Variants in PCCA observed in about 807,000 individuals in gnomAD.
PCCA encodes the protein propionyl-CoA carboxylase alpha chain, mitochondrial.
PCCA carries 74 observed loss-of-function variants against 101.3 expected under a neutral mutation model. The ratio of observed to expected loss-of-function variants is 0.73; its 90% CI spans 0.61 to 0.89. The LOEUF is 0.89. Ranked by LOEUF, PCCA falls within the 40% of genes least tolerant of loss-of-function variation. The pLI is 0.00. For synonymous variants in PCCA, 294 were observed against 313.6 expected, an observed-to-expected ratio of 0.94 and a Z score of 0.66; for missense variants, 891 against 907.0, an observed-to-expected ratio of 0.98 and a Z score of 0.23.
chr13:100,235,415 C>T (rs1245915067), intron 7 of PCCA, among the ~76,000 whole-genome samples: 2 of 151,978 alleles, frequency 1.3e-5, no homozygotes, highest in Non-Finnish European at 2.9e-5. Context: ...TCAACTACTC[C>T]CAAACAATAG....
chr13:100,190,592 T>C (rs941564750), intron 6 of PCCA, among the ~76,000 whole-genome samples: 2 of 152,090 alleles, frequency 1.3e-5, no homozygotes, highest in South Asian at 4.1e-4. Flanking sequence ...GGAGAACTGC[T>C]TGAACCTGGG....
chr13:100,279,628 A>G (rs1307254863), intron 12 of PCCA, among the ~76,000 whole-genome samples: 1 of 151,922 alleles, frequency 6.6e-6, no homozygotes, highest in East Asian at 1.9e-4. Flanking sequence ...GGCGCATACC[A>G]CCACGCCTAG....
At chr13:100,474,440 TTC>T (rs58811683) in intron 21 of PCCA, among the ~76,000 whole-genome samples, 41,637 of 144,080 alleles carry the variant, frequency 0.29, 6,015 homozygotes, top group Middle Eastern at 0.41. Flanking sequence ...TATTTACTGT[TTC>T]TCTCTCTCTC....
chr13:100,107,504 A>G (rs943080224), intron 2 of PCCA, among the ~76,000 whole-genome samples: 2 of 152,190 alleles, frequency 1.3e-5, no homozygotes, highest in African/African-American at 2.4e-5. Context: ...CCTGGGTAAC[A>G]GAGCAAAACC....
intron 18 of PCCA, among the ~76,000 whole-genome samples, chr13:100,364,013 C>T (rs2074917803): frequency 6.6e-6 from 1 of 152,170 alleles, no homozygotes; most frequent in Non-Finnish European, 1.5e-5. Flanking sequence ...ATAAAGTGGA[C>T]AGACCTGGGT....
intron 6 of PCCA, among the ~76,000 whole-genome samples, chr13:100,188,939 C>T (rs1408759564): frequency 1.3e-5 from 2 of 151,316 alleles, no homozygotes; most frequent in Non-Finnish European, 2.9e-5. Flanking sequence ...GCAGAATGTG[C>T]AGTTTTGTTA....
intron 12 of PCCA, among the ~76,000 whole-genome samples, chr13:100,294,696 T>G (rs1285441174): frequency 6.6e-6 from 1 of 152,192 alleles, no homozygotes; most frequent in Non-Finnish European, 1.5e-5. Context: ...AAATTTTTAG[T>G]TTTTAGTGCT....
chr13:100,185,699 G>T (rs966983836), intron 6 of PCCA, among the ~76,000 whole-genome samples: 1 of 149,402 alleles, frequency 6.7e-6, no homozygotes, highest in African/African-American at 2.5e-5. Context: ...CCACGCTGGA[G>T]TGCAATGGTG....
intron 12 of PCCA, among the ~76,000 whole-genome samples, chr13:100,292,182 A>G (rs949804640): frequency 6.6e-6 from 1 of 152,212 alleles, no homozygotes; most frequent in African/African-American, 2.4e-5. Flanking sequence ...GAAGTCAGAT[A>G]TATAGTTTTT....
intron 21 of PCCA, among the ~76,000 whole-genome samples, chr13:100,504,605 T>C (rs1214928618): frequency 3.0e-4 from 46 of 152,226 alleles, no homozygotes; most frequent in Admixed American, 3.0e-3. Context: ...ATTAAATACT[T>C]AATGACATTT....
chr13:100,135,129 C>T (rs1263584505), intron 4 of PCCA, among the ~76,000 whole-genome samples: 3 of 151,516 alleles, frequency 2.0e-5, no homozygotes, highest in Non-Finnish European at 2.9e-5. Flanking sequence ...CGTGGTGGCT[C>T]GCATCTGTAA....
At chr13:100,202,783 T>C (rs897565637) in intron 6 of PCCA, among the ~76,000 whole-genome samples, 1 of 151,862 alleles carries the variant, frequency 6.6e-6, no homozygotes, top group African/African-American at 2.4e-5. Context: ...TCAATTTGTC[T>C]TTCTCATAAG....
chr13:100,492,356 G>T (rs548600822), intron 21 of PCCA, among the ~76,000 whole-genome samples: 1 of 152,062 alleles, frequency 6.6e-6, no homozygotes, highest in African/African-American at 2.4e-5. Context: ...GGATGGTTTC[G>T]ATCTCCTGAC....
At chr13:100,467,268 C>T (rs2082601997) in intron 21 of PCCA, among the ~76,000 whole-genome samples, 1 of 152,156 alleles carries the variant, frequency 6.6e-6, no homozygotes, top group African/African-American at 2.4e-5. Context: ...AAAACCAGTT[C>T]TTCTGTGTTG....
In PCCA at chr13:100,171,541, T is replaced by C. The variant is rs563651846; in HGVS notation, c.468+14201T>C. Among the ~76,000 whole-genome samples, 147 of 152,334 alleles carry C rather than the reference T, an allele frequency of 9.6e-4. 1 individual carries two copies. The highest frequency in any genetic ancestry group is 3.2e-3 in the African/African-American group (134 of 41,580). On this transcript the variant is annotated intron_variant, in intron 6 of 23. Coordinates refer to ENST00000376285, the MANE Select transcript of PCCA (RefSeq NM_000282.4). Reference sequence around the variant, plus strand: ...TACTTCCATGTCAAGTCAAGGACTTTTACTCATTCATTTCTGAATTCCTGT... The same window carrying C: ...TACTTCCATGTCAAGTCAAGGACTTCTACTCATTCATTTCTGAATTCCTGT...
intron 17 of PCCA, 98 bp downstream of exon 17, chr13:100,330,769 G>A (rs2069434047): frequency 1.3e-6 from 1 of 746,324 alleles, no homozygotes; most frequent in Non-Finnish European, 2.3e-6. Context: ...AAGGCCTTTT[G>A]GCTTATATTA....
At chr13:100,378,272 A>G (rs1254739200) in intron 19 of PCCA, among the ~76,000 whole-genome samples, 1 of 152,118 alleles carries the variant, frequency 6.6e-6, no homozygotes, top group Non-Finnish European at 1.5e-5. Context: ...CTCTCCTGGT[A>G]TGTGTGGTTT....
chr13:100,180,187 G>C (rs1172925341), intron 6 of PCCA, among the ~76,000 whole-genome samples: 2 of 152,162 alleles, frequency 1.3e-5, no homozygotes, highest in Admixed American at 1.3e-4. Context: ...GTGCATATCA[G>C]ACTGAAGAAC....
At chr13:100,390,058 A>G (rs2076725895) in intron 19 of PCCA, among the ~76,000 whole-genome samples, 1 of 152,218 alleles carries the variant, frequency 6.6e-6, no homozygotes, top group Admixed American at 6.5e-5. Flanking sequence ...TGGAGAAAAA[A>G]TGGATCAACA....
Sources: gnomAD v4.1 joint callset for allele counts (sites outside exome capture counted in the v4.1 genomes callset) on GRCh38, gnomAD v4.1.1 for gene constraint, MANE v1.5 for transcripts, NCBI Gene and HGNC (gene_info 2026-07-23, HGNC 2026-07-21) for gene names.